Variants in CNTNAP2 observed in about 807,000 individuals in gnomAD.
CNTNAP2 encodes the protein contactin associated protein 2, also known as contactin-associated protein-like 2.
CNTNAP2 carries 98 observed loss-of-function variants against 155.2 expected under a neutral mutation model. The observed-to-expected ratio is 0.63, with a 90% confidence interval of 0.54 to 0.75. The LOEUF is 0.75. Ranked by LOEUF, CNTNAP2 falls within the 30% of genes least tolerant of loss-of-function variation. The pLI is 0.00. For missense variants in CNTNAP2, 1,727 were observed against 1,688.1 expected, an observed-to-expected ratio of 1.02 and a Z score of -0.40; for synonymous variants, 651 against 631.2, an observed-to-expected ratio of 1.03 and a Z score of -0.47.
At chr7:147,452,963 G>T (rs1286307654) in intron 10 of CNTNAP2, among the ~76,000 whole-genome samples, 1 of 150,824 alleles carries the variant, frequency 6.6e-6, no homozygotes, top group Non-Finnish European at 1.5e-5. Flanking sequence ...GAGGGAGGGG[G>T]AAGGAAAGGA....
intron 3 of CNTNAP2, among the ~76,000 whole-genome samples, chr7:147,013,224 G>A (rs1282501125): frequency 6.6e-6 from 1 of 152,018 alleles, no homozygotes; most frequent in African/African-American, 2.4e-5. Flanking sequence ...GACAGAACGG[G>A]TCAACCATTT....
At position 148,238,303 on chromosome 7, in the gene CNTNAP2, C is replaced by T. The variant is rs1043085853; in HGVS notation, c.3381+8524C>T. On this transcript the variant is annotated intron_variant, in intron 20 of 23. Transcript: ENST00000361727. ...GGCAGAGGTTGCAGTGAGCTGAGATCGTGCCACTGCACTCCAGCCTGGTGA... is the reference window on the plus strand; with the variant it reads ...GGCAGAGGTTGCAGTGAGCTGAGATTGTGCCACTGCACTCCAGCCTGGTGA... Among the ~76,000 whole-genome samples, 7 of 152,078 alleles carry T rather than the reference C, an allele frequency of 4.6e-5. No homozygotes were observed. The East Asian group carries it at 9.6e-4, about 21-fold the overall frequency.
At chr7:146,251,509 GA>G (rs1799756339) in intron 1 of CNTNAP2, among the ~76,000 whole-genome samples, 1 of 152,080 alleles carries the variant, frequency 6.6e-6, no homozygotes, top group Non-Finnish European at 1.5e-5. Context: ...AAAAAGTTAA[GA>G]ATTTTATTTT....
At chr7:147,617,377 G>T (rs1476770495) in intron 12 of CNTNAP2, among the ~76,000 whole-genome samples, 2 of 152,070 alleles carry the variant, frequency 1.3e-5, no homozygotes, top group Non-Finnish European at 2.9e-5. Flanking sequence ...TCATCTTTGT[G>T]TCCCCAGAGC....
chr7:147,950,761 T>A (rs956324559), intron 14 of CNTNAP2, among the ~76,000 whole-genome samples: 35 of 152,210 alleles, frequency 2.3e-4, no homozygotes, highest in African/African-American at 8.2e-4. Context: ...TTGACCTTCC[T>A]TTTTCTTCCT....
chr7:146,273,226 A>C (rs927345648), intron 1 of CNTNAP2, among the ~76,000 whole-genome samples: 9 of 151,876 alleles, frequency 5.9e-5, no homozygotes, highest in Non-Finnish European at 7.4e-5. Flanking sequence ...AAAAAAAAAA[A>C]CAACAAAAAT....
chr7:148,182,395 T>G (rs540204705), intron 18 of CNTNAP2, among the ~76,000 whole-genome samples: 90 of 146,964 alleles, frequency 6.1e-4, no homozygotes, highest in Non-Finnish European at 8.4e-4. Context: ...CACGCTGCCC[T>G]TGAGTACTCC....
chr7:147,326,413 C>G (rs889117170), intron 9 of CNTNAP2, among the ~76,000 whole-genome samples: 6 of 152,122 alleles, frequency 3.9e-5, no homozygotes, highest in Non-Finnish European at 2.9e-5. Context: ...TTGTATGTGT[C>G]TATCACATCT....
intron 1 of CNTNAP2, among the ~76,000 whole-genome samples, chr7:146,771,399 T>C (rs1424714659): frequency 6.6e-6 from 1 of 152,168 alleles, no homozygotes; most frequent in Admixed American, 6.5e-5. Flanking sequence ...GCAACACTTA[T>C]CTCAAAAATT....
chr7:146,236,658 G>A (rs761217268), intron 1 of CNTNAP2, among the ~76,000 whole-genome samples: 17 of 151,964 alleles, frequency 1.1e-4, no homozygotes, highest in Non-Finnish European at 2.1e-4. Flanking sequence ...ATACTTAACC[G>A]ATGAGAGCAG....
intron 2 of CNTNAP2, among the ~76,000 whole-genome samples, chr7:146,795,765 C>T (rs1026980038): frequency 6.6e-5 from 10 of 152,124 alleles, no homozygotes; most frequent in African/African-American, 2.4e-4. Context: ...ATGTTCACAC[C>T]TTATGCCCCA....
In CNTNAP2 at chr7:148,334,570, C is replaced by T. The variant is rs183401469; in HGVS notation, c.3476-49079C>T. On this transcript the variant is annotated intron_variant, in intron 21 of 23. Coordinates refer to ENST00000361727, the MANE Select transcript of CNTNAP2 (RefSeq NM_014141.6). ...AGTGCATGCTGGTGGACCCACAGTT[C>T]TGTAGCTATGAGAAATAGCCCCATC... Among the ~76,000 whole-genome samples the T allele has an allele frequency of 2.4e-3, 372 of 152,314 alleles. 1 individual carries two copies. Among genetic ancestry groups the T allele is most frequent in the African/African-American group, 8.6e-3 (358 of 41,586 alleles).
At chr7:147,020,661 A>C (rs1413840985) in intron 3 of CNTNAP2, among the ~76,000 whole-genome samples, 1 of 152,130 alleles carries the variant, frequency 6.6e-6, no homozygotes, top group African/African-American at 2.4e-5. Context: ...AACACAGCTC[A>C]CCTCCTGACT....
chr7:147,425,798 T>C (rs1056655659), intron 10 of CNTNAP2, among the ~76,000 whole-genome samples: 2 of 152,158 alleles, frequency 1.3e-5, no homozygotes, highest in Admixed American at 1.3e-4. Flanking sequence ...TCCTATTGAT[T>C]TGATCATGTG....
intron 1 of CNTNAP2, among the ~76,000 whole-genome samples, chr7:146,309,257 G>A (rs1374331878): frequency 6.6e-6 from 1 of 152,150 alleles, no homozygotes; most frequent in East Asian, 1.9e-4. Context: ...TTCAGAACGT[G>A]TGATTTGTTT....
At chr7:147,678,577 A>G (rs1795902531) in intron 13 of CNTNAP2, among the ~76,000 whole-genome samples, 1 of 151,892 alleles carries the variant, frequency 6.6e-6, no homozygotes, top group Non-Finnish European at 1.5e-5. Context: ...GACAGGTCCA[A>G]AAAATGGCAA....
At chr7:148,345,545 C>G (rs1295398100) in intron 21 of CNTNAP2, among the ~76,000 whole-genome samples, 1 of 151,904 alleles carries the variant, frequency 6.6e-6, no homozygotes, top group Non-Finnish European at 1.5e-5. Context: ...TGTATTTTTA[C>G]TATTTTACTC....
chr7:146,678,744 A>C (rs959177666), intron 1 of CNTNAP2, among the ~76,000 whole-genome samples: 32 of 152,264 alleles, frequency 2.1e-4, no homozygotes, highest in Admixed American at 1.6e-3. Flanking sequence ...ACAATCTCTC[A>C]ATTTTCTTTC....
chr7:146,400,568 A>AT (rs1439688124), intron 1 of CNTNAP2, among the ~76,000 whole-genome samples: 3 of 152,326 alleles, frequency 2.0e-5, no homozygotes, highest in Non-Finnish European at 2.9e-5. Context: ...GGAGATTTCT[A>AT]TTTTTGCAGA....
Sources: allele counts gnomAD v4.1 joint callset (sites outside exome capture counted in the v4.1 genomes callset), GRCh38; gene constraint gnomAD v4.1.1; transcripts MANE v1.5; gene names NCBI Gene and HGNC (gene_info 2026-07-23, HGNC 2026-07-21).